The following R3HDM2 variants were observed in gnomAD, a reference collection of about 807,000 sequenced individuals.
R3HDM2 encodes R3H domain containing 2, also known as R3H domain-containing protein 2.
Under a neutral mutation model 124.5 loss-of-function variants are expected in R3HDM2, and 38 were observed. The ratio of observed to expected loss-of-function variants is 0.31; its 90% CI spans 0.24 to 0.40. R3HDM2 has a LOEUF of 0.40. Ranked by LOEUF, R3HDM2 falls within the 10% of genes least tolerant of loss-of-function variation. R3HDM2 has a pLI of 1.00. For missense variants in R3HDM2, 869 were observed against 1,236.9 expected, an observed-to-expected ratio of 0.70 and a Z score of 4.46; for synonymous variants, 391 against 448.0, an observed-to-expected ratio of 0.87 and a Z score of 1.61.
chr12:57,316,242 T>C (rs75534626), intron 2 of R3HDM2, among the ~76,000 whole-genome samples: 1 of 152,354 alleles, frequency 6.6e-6, no homozygotes, highest in African/African-American at 2.4e-5. Context: ...TTCATTGATC[T>C]AACCCAGATT....
chr12:57,416,367 G>A (rs1328287837), intron 1 of R3HDM2, among the ~76,000 whole-genome samples: 1 of 152,194 alleles, frequency 6.6e-6, no homozygotes, highest in Non-Finnish European at 1.5e-5. Flanking sequence ...AGTGTCCACT[G>A]TATCATTCCT....
intron 2 of R3HDM2, among the ~76,000 whole-genome samples, chr12:57,317,267 A>T (rs1186604167): frequency 6.7e-6 from 1 of 150,176 alleles, no homozygotes; most frequent in Non-Finnish European, 1.5e-5. Context: ...TAGTGGCATG[A>T]TCACAGCTCA....
At chr12:57,404,685 C>T (rs1209192100) in intron 1 of R3HDM2, among the ~76,000 whole-genome samples, 1 of 151,924 alleles carries the variant, frequency 6.6e-6, no homozygotes. Context: ...GGCACCAGAG[C>T]GAGACTCTGT....
rs550827910 is a variant in R3HDM2, at chr12:57,354,171, A to AT, written c.-36+41577dup. ...GGCGTGAGCCACCACGCCTGGTCTA[A>AT]TTTTTTTTTTTAAGTCTGTTTCAAA... is the stretch of plus-strand genomic sequence containing the variant. On this transcript the variant is annotated intron_variant, in intron 2 of 23. Transcript: ENST00000402412. 9.5e-3 allele frequency among the ~76,000 whole-genome samples: 1,384 copies of AT among 145,454 alleles called. 23 individuals carry two copies. Among genetic ancestry groups the AT allele is most frequent in the East Asian group, 0.076 (369 of 4,884 alleles).
intron 2 of R3HDM2, among the ~76,000 whole-genome samples, chr12:57,329,317 T>C (rs1209236136): frequency 1.3e-5 from 2 of 152,244 alleles, no homozygotes; most frequent in African/African-American, 4.8e-5. Context: ...AATCATGTTA[T>C]AGTACATAAG....
rs1444479695 is a variant in R3HDM2, at chr12:57,254,061, A to G, written c.*712T>C. The G allele has an allele frequency of 7.1e-6, 3 of 420,644 alleles. No homozygotes were observed. Among genetic ancestry groups the G allele is most frequent in the Non-Finnish European group, 1.4e-5 (3 of 217,802 alleles). 26.1% of individuals were successfully genotyped at this position (420,644 alleles called of 1,614,324 possible). ...TTTTGTTTATCTTAATTCTGTCCAT[A>G]TAAATATATTCATAAAGACCAAAAA... On this transcript the variant is annotated 3_prime_UTR_variant, in exon 24 of 24. Coordinates refer to ENST00000402412, the MANE Select transcript of R3HDM2 (RefSeq NM_001394031.1).
At chr12:57,269,597 G>T in intron 15 of R3HDM2, 148 bp from the exon 16 acceptor site, 1 of 1,449,222 alleles carries the variant, frequency 6.9e-7, no homozygotes, top group Non-Finnish European at 9.3e-7. Context: ...AAGGATTTAT[G>T]TTATATAGAA....
chr12:57,353,392 T>C (rs2060886248), intron 2 of R3HDM2, among the ~76,000 whole-genome samples: 1 of 152,034 alleles, frequency 6.6e-6, no homozygotes, highest in Non-Finnish European at 1.5e-5. Flanking sequence ...AAAATACAAA[T>C]TAAAACCAAA....
At chr12:57,306,745 C>A (rs562669488) in intron 3 of R3HDM2, among the ~76,000 whole-genome samples, 1 of 151,798 alleles carries the variant, frequency 6.6e-6, no homozygotes, top group Non-Finnish European at 1.5e-5. Flanking sequence ...CTGGGCGGGG[C>A]GGCTCACGCC....
chr12:57,283,782 A>G, intron 13 of R3HDM2, 42 bp downstream of exon 13: 1 of 1,582,248 alleles, frequency 6.3e-7, no homozygotes, highest in African/African-American at 1.3e-5. Context: ...GAGACAAGCA[A>G]GAAGGGATGG....
intron 18 of R3HDM2, among the ~76,000 whole-genome samples, chr12:57,267,117 A>G (rs1302427159): frequency 6.6e-6 from 1 of 152,228 alleles, no homozygotes; most frequent in African/African-American, 2.4e-5. Context: ...ACACACATAC[A>G]TGCACATATG....
At chr12:57,408,641 T>C (rs181875856) in intron 1 of R3HDM2, among the ~76,000 whole-genome samples, 97 of 152,208 alleles carry the variant, frequency 6.4e-4, no homozygotes, top group Admixed American at 2.3e-3. Context: ...GAGCAGATAA[T>C]TGCATATGGA....
intron 1 of R3HDM2, among the ~76,000 whole-genome samples, chr12:57,405,891 T>C (rs1237824494): frequency 3.3e-5 from 5 of 152,132 alleles, no homozygotes; most frequent in Non-Finnish European, 7.3e-5. Context: ...ATGTAAAAGA[T>C]GATCTTCGGT....
intron 4 of R3HDM2, among the ~76,000 whole-genome samples, chr12:57,302,851 G>C (rs1227307826): frequency 6.6e-6 from 1 of 151,516 alleles, no homozygotes; most frequent in Non-Finnish European, 1.5e-5. Context: ...TTCTCCTAGA[G>C]AAGCTAGGAG....
chr12:57,348,467 G>T (rs1307796599), intron 2 of R3HDM2, among the ~76,000 whole-genome samples: 2 of 151,882 alleles, frequency 1.3e-5, no homozygotes, highest in Non-Finnish European at 2.9e-5. Context: ...GCCAAGGCAG[G>T]TGAATCACCT....
chr12:57,413,722 C>G (rs2139356963), intron 1 of R3HDM2, among the ~76,000 whole-genome samples: 1 of 151,452 alleles, frequency 6.6e-6, no homozygotes, highest in South Asian at 2.1e-4. Context: ...GGTGACAGAG[C>G]AAGACTCCAT....
At chr12:57,368,330 A>C (rs2062900172) in intron 2 of R3HDM2, among the ~76,000 whole-genome samples, 1 of 152,210 alleles carries the variant, frequency 6.6e-6, no homozygotes, top group South Asian at 2.1e-4. Context: ...CACTTCAACT[A>C]GCACGGTATG....
chr12:57,422,093 CA>C (rs35439340), intron 1 of R3HDM2, among the ~76,000 whole-genome samples: 968 of 74,362 alleles, frequency 0.013, 6 homozygotes, highest in African/African-American at 0.052. Flanking sequence ...CTCCGCCTAG[CA>C]AAAAAAAAAA....
intron 2 of R3HDM2, among the ~76,000 whole-genome samples, chr12:57,348,688 C>T (rs1319665062): frequency 1.2e-4 from 10 of 81,846 alleles, no homozygotes; most frequent in South Asian, 8.6e-4. Context: ...AGCGAGACTC[C>T]GTCTCAAAAA....
Sources: allele counts gnomAD v4.1 joint callset (sites outside exome capture counted in the v4.1 genomes callset), GRCh38; gene constraint gnomAD v4.1.1; transcripts MANE v1.5; gene names NCBI Gene and HGNC (gene_info 2026-07-23, HGNC 2026-07-21).